Variants in SRPK2 observed in about 807,000 individuals in gnomAD.
SRPK2 encodes SFRS protein kinase 2.
SRPK2 carries 21 observed loss-of-function variants against 90.8 expected under a neutral mutation model. The observed-to-expected ratio is 0.23, with a 90% CI of 0.16 to 0.33. The LOEUF (loss-of-function observed/expected upper bound fraction) is 0.33, where lower values mean the gene tolerates loss of function less well. SRPK2 is among the 10% of genes least tolerant of loss of function. SRPK2 has a pLI of 1.00. For synonymous variants in SRPK2, 288 were observed against 311.1 expected (o/e 0.93, Z 0.78); for missense variants, 620 against 869.0 (o/e 0.71, Z 3.60).
intron 2 of SRPK2, among the ~76,000 whole-genome samples, chr7:105,270,410 CTTT>C (rs34076915): frequency 0.43 from 61,031 of 141,338 alleles, 13,977 homozygotes; most frequent in Non-Finnish European, 0.53. Flanking sequence ...CTCCTCTGCC[CTTT>C]TTTTTTTTTT....
chr7:105,364,177 G>C (rs1818754354), intron 2 of SRPK2, among the ~76,000 whole-genome samples: 1 of 152,014 alleles, frequency 6.6e-6, no homozygotes, highest in African/African-American at 2.4e-5. Context: ...AGAACTTAAA[G>C]TATAATTAAA....
At chr7:105,224,260 A>G (rs1482409503) in intron 2 of SRPK2, among the ~76,000 whole-genome samples, 1 of 152,178 alleles carries the variant, frequency 6.6e-6, no homozygotes, top group Non-Finnish European at 1.5e-5. Context: ...AAGGTCATAC[A>G]ATAAGACTTT....
chr7:105,260,386 G>A (rs1804041818), intron 2 of SRPK2, among the ~76,000 whole-genome samples: 1 of 152,204 alleles, frequency 6.6e-6, no homozygotes, highest in African/African-American at 2.4e-5. Flanking sequence ...GGTAACAACA[G>A]GTGCTGGAGA....
intron 11 of SRPK2, among the ~76,000 whole-genome samples, chr7:105,141,408 C>T (rs1490559604): frequency 6.6e-6 from 1 of 152,106 alleles, no homozygotes; most frequent in African/African-American, 2.4e-5. Context: ...CATTCACTCC[C>T]AAAATAAGGC....
In SRPK2 at chr7:105,146,638, G is replaced by A; in HGVS notation, c.642C>T (p.Tyr214=). 6.2e-7 allele frequency: 1 copy of A among 1,614,206 alleles called. No individual in the cohort carries two copies. The highest frequency in any genetic ancestry group is 8.5e-7 in the Non-Finnish European group (1 of 1,180,026). Residue 214 remains tyrosine, a synonymous_variant, in exon 8 of 16, where the codon TAC becomes TAT. Coordinates refer to ENST00000393651, the MANE Select transcript of SRPK2 (RefSeq NM_182692.3). ...GAATGATCTTGCACTTACTGTGTAA[G>A]TAATCTAACCCTTGAAGGACCTGGA... The part of the protein sequence containing the change: ...IIRQVLQGLD[Y]LHSKCKIIHT...
chr7:105,268,160 T>A (rs1477607622), intron 2 of SRPK2, among the ~76,000 whole-genome samples: 1 of 152,242 alleles, frequency 6.6e-6, no homozygotes, highest in Non-Finnish European at 1.5e-5. Flanking sequence ...AATCATATGA[T>A]TGACAGATAA....
intron 2 of SRPK2, among the ~76,000 whole-genome samples, chr7:105,300,327 T>C: frequency 6.6e-6 from 1 of 151,564 alleles, no homozygotes. Context: ...AAAACTTGTG[T>C]GACTTGTATA....
chr7:105,397,871 C>A (rs968254428), intron 1 of SRPK2, among the ~76,000 whole-genome samples: 14 of 152,158 alleles, frequency 9.2e-5, no homozygotes, highest in African/African-American at 2.9e-4. Context: ...TGGTCTTGAA[C>A]TCCTGACCTC....
intron 2 of SRPK2, chr7:105,245,009 T>C (rs1263003057): frequency 2.9e-5 from 23 of 798,414 alleles, no homozygotes; most frequent in Non-Finnish European, 4.5e-5. Context: ...AAAGAACAGC[T>C]TGAGAGGAAA....
chr7:105,183,881 A>C (rs1793221094), intron 3 of SRPK2, among the ~76,000 whole-genome samples: 1 of 152,156 alleles, frequency 6.6e-6, no homozygotes, highest in South Asian at 2.1e-4. Flanking sequence ...AATACAACTA[A>C]GTGTTCAACT....
At chr7:105,214,474 A>T (rs1393843707) in intron 2 of SRPK2, among the ~76,000 whole-genome samples, 1 of 152,158 alleles carries the variant, frequency 6.6e-6, no homozygotes, top group Admixed American at 6.6e-5. Flanking sequence ...TGATACACAC[A>T]CTCTGTGGCA....
At chr7:105,319,749 T>C (rs745341202) in intron 2 of SRPK2, among the ~76,000 whole-genome samples, 1 of 152,090 alleles carries the variant, frequency 6.6e-6, no homozygotes, top group African/African-American at 2.4e-5. Flanking sequence ...ACTTTAACCA[T>C]TCATACACTG....
intron 2 of SRPK2, chr7:105,268,985 C>A (rs1805468775): frequency 7.1e-7 from 1 of 1,398,854 alleles, no homozygotes; most frequent in South Asian, 1.5e-5. Flanking sequence ...ACAAGATTCG[C>A]AGTACTTCTG....
At chr7:105,129,618 G>C (rs192011954) in intron 13 of SRPK2, among the ~76,000 whole-genome samples, 9 of 152,218 alleles carry the variant, frequency 5.9e-5, no homozygotes, top group East Asian at 1.9e-4. Flanking sequence ...CAAGTGATCT[G>C]CCTGCCTTGG....
chr7:105,398,721 A>G (rs965400171), intron 1 of SRPK2, among the ~76,000 whole-genome samples: 4 of 152,162 alleles, frequency 2.6e-5, no homozygotes, highest in African/African-American at 9.6e-5. Flanking sequence ...TTGTTTCACT[A>G]TAGCGTACTT....
At chr7:105,160,163 T>G (rs1306089103) in intron 7 of SRPK2, 2 of 161,964 alleles carry the variant, frequency 1.2e-5, no homozygotes, top group Admixed American at 1.3e-4. Flanking sequence ...AGTAAGTTAT[T>G]TCTTCTAAAT....
intron 2 of SRPK2, among the ~76,000 whole-genome samples, chr7:105,308,875 G>T (rs1221138646): frequency 2.0e-5 from 3 of 152,206 alleles, no homozygotes. Flanking sequence ...CTTTCATCCT[G>T]GTTGGAGCCG....
At chr7:105,154,569 G>A (rs1001952066) in intron 7 of SRPK2, among the ~76,000 whole-genome samples, 6 of 152,092 alleles carry the variant, frequency 3.9e-5, no homozygotes, top group African/African-American at 9.7e-5. Flanking sequence ...CGTGGCTCTC[G>A]GCATACTAGA....
intron 3 of SRPK2, among the ~76,000 whole-genome samples, chr7:105,170,752 G>A (rs1250646306): frequency 1.2e-5 from 1 of 83,986 alleles, no homozygotes; most frequent in Non-Finnish European, 2.4e-5. Context: ...AGGGAGGAAG[G>A]AAGGAAGGAA....
Sources: gnomAD v4.1 joint callset for allele counts (sites outside exome capture counted in the v4.1 genomes callset) on GRCh38, gnomAD v4.1.1 for gene constraint, MANE v1.5 for transcripts, NCBI Gene and HGNC (gene_info 2026-07-23, HGNC 2026-07-21) for gene names.